LRRC7: variants seen among roughly 807,000 people sequenced by gnomAD.
The protein encoded by LRRC7 is leucine rich repeat containing 7, also known as leucine-rich repeat-containing protein 7.
In LRRC7, 23 loss-of-function variants were observed where a neutral mutation model predicts 175.7. The observed-to-expected ratio is 0.13, with a 90% CI of 0.09 to 0.19. LRRC7 has a LOEUF of 0.19. Among genes scored for constraint, LRRC7 ranks in the 10% least tolerant of loss-of-function variants. The pLI is 1.00. For synonymous variants in LRRC7, 685 were observed against 680.9 expected, an observed-to-expected ratio of 1.01 and a Z score of -0.09; for missense variants, 1,354 against 1,904.7, an observed-to-expected ratio of 0.71 and a Z score of 5.38.
chr1:69,681,242 C>T (rs554557280), intron 2 of LRRC7, among the ~76,000 whole-genome samples: 14 of 152,200 alleles, frequency 9.2e-5, no homozygotes, highest in African/African-American at 2.2e-4. Flanking sequence ...CAAGACTTGT[C>T]GGTCAACTCC....
chr1:69,751,361 G>T (rs1052252250), intron 2 of LRRC7, among the ~76,000 whole-genome samples: 1 of 151,960 alleles, frequency 6.6e-6, no homozygotes, highest in Admixed American at 6.6e-5. Flanking sequence ...GTGTACTTTT[G>T]TGCAGTATTT....
At chr1:69,899,040 C>G (rs112204896) in intron 7 of LRRC7, among the ~76,000 whole-genome samples, 513 of 152,266 alleles carry the variant, frequency 3.4e-3, no homozygotes, top group Middle Eastern at 0.014. Context: ...TGGGCATTCT[C>G]TGAAAATGGG....
intron 2 of LRRC7, among the ~76,000 whole-genome samples, chr1:69,713,901 G>A (rs887238803): frequency 6.6e-6 from 1 of 151,940 alleles, no homozygotes; most frequent in African/African-American, 2.4e-5. Context: ...TAAGAGCTTT[G>A]CTTAGAAAAT....
intron 7 of LRRC7, among the ~76,000 whole-genome samples, chr1:69,905,394 C>G (rs577823270): frequency 2.0e-5 from 3 of 152,184 alleles, no homozygotes; most frequent in Non-Finnish European, 4.4e-5. Context: ...TCTCCTAATG[C>G]TATCCCTCCC....
intron 18 of LRRC7, among the ~76,000 whole-genome samples, chr1:70,033,004 C>A (rs1488605428): frequency 6.6e-6 from 1 of 152,146 alleles, no homozygotes; most frequent in Non-Finnish European, 1.5e-5. Flanking sequence ...AAAACTTTGC[C>A]CACTTTTCCA....
intron 26 of LRRC7, among the ~76,000 whole-genome samples, chr1:70,116,407 C>T (rs561853946): frequency 5.3e-4 from 81 of 152,130 alleles, no homozygotes; most frequent in African/African-American, 1.9e-3. Flanking sequence ...ATTAGCCAGG[C>T]GTGGTGGCAG....
intron 2 of LRRC7, among the ~76,000 whole-genome samples, chr1:69,679,426 C>A (rs1433577254): frequency 6.6e-6 from 1 of 152,058 alleles, no homozygotes; most frequent in Non-Finnish European, 1.5e-5. Context: ...AAGCAGGGCA[C>A]ACTCATGGCA....
intron 1 of LRRC7, among the ~76,000 whole-genome samples, chr1:69,654,674 T>A (rs1244328917): frequency 2.0e-5 from 3 of 152,116 alleles, no homozygotes; most frequent in Non-Finnish European, 4.4e-5. Flanking sequence ...TTGAATCTTT[T>A]TTCTATAAGT....
At chr1:69,969,539 AT>A (rs1204796272) in intron 8 of LRRC7, among the ~76,000 whole-genome samples, 5 of 152,202 alleles carry the variant, frequency 3.3e-5, no homozygotes, top group African/African-American at 9.6e-5. Flanking sequence ...AAAGAGGGTC[AT>A]TATATAACGA....
chr1:70,004,505 G>A (rs1307153265), intron 11 of LRRC7, among the ~76,000 whole-genome samples: 2 of 152,020 alleles, frequency 1.3e-5, no homozygotes, highest in Admixed American at 6.6e-5. Flanking sequence ...GTGTGTTTAG[G>A]CCTTATGACA....
chr1:69,848,808 TG>T (rs1416511245), intron 7 of LRRC7, among the ~76,000 whole-genome samples: 3 of 152,088 alleles, frequency 2.0e-5, no homozygotes, highest in African/African-American at 7.2e-5. Context: ...GATAAGTGGC[TG>T]AGCAATATTA....
intron 5 of LRRC7, among the ~76,000 whole-genome samples, chr1:69,833,037 G>A (rs571436163): frequency 4.0e-5 from 6 of 151,858 alleles, no homozygotes; most frequent in Non-Finnish European, 7.4e-5. Flanking sequence ...CCTGGGAGGC[G>A]GAGGTTGCAG....
intron 7 of LRRC7, among the ~76,000 whole-genome samples, chr1:69,854,586 G>T (rs11809203): frequency 1.6e-4 from 24 of 151,876 alleles, no homozygotes; most frequent in Admixed American, 5.2e-4. Context: ...CTTACTGAGG[G>T]TAACTTGATC....
intron 25 of LRRC7, among the ~76,000 whole-genome samples, chr1:70,090,848 C>A (rs1254254061): frequency 6.6e-6 from 1 of 152,092 alleles, no homozygotes; most frequent in Non-Finnish European, 1.5e-5. Flanking sequence ...TACTCTGGAG[C>A]TTTCTGTAGC....
intron 4 of LRRC7, among the ~76,000 whole-genome samples, chr1:69,811,363 G>A (rs962797912): frequency 1.3e-5 from 2 of 152,124 alleles, no homozygotes; most frequent in East Asian, 1.9e-4. Context: ...ACAGTGTGGT[G>A]ATTCCTCAAG....
chr1:69,916,163 TTA>T lies in LRRC7; in HGVS notation c.648-15335_648-15334del, dbSNP rs1294463908. On this transcript the variant is annotated intron_variant, in intron 7 of 26. Transcript: ENST00000651989. The stretch of plus-strand genomic sequence containing the variant: ...ATAATATATATATTATATACATATT[TTA>T]TATATATAATATATATTACATACAT... Among the ~76,000 whole-genome samples, 16 of 103,524 alleles carry T rather than the reference TTA, an allele frequency of 1.5e-4. No homozygotes were observed. In the South Asian group the frequency reaches 4.1e-3, roughly 27 times the overall value. The allele number at this position is 103,524 out of a possible 152,430, so 67.9% of individuals were successfully genotyped here. A position where few individuals can be genotyped will look rare whatever the true frequency, so the allele number is the denominator to read the frequency against.
intron 5 of LRRC7, among the ~76,000 whole-genome samples, chr1:69,829,005 G>A (rs753025943): frequency 2.6e-5 from 4 of 151,838 alleles, no homozygotes; most frequent in African/African-American, 4.8e-5. Context: ...TAGCAATTAT[G>A]AAAGTATTTA....
At chr1:69,600,552 C>A (rs1647012663) in intron 1 of LRRC7, among the ~76,000 whole-genome samples, 1 of 152,142 alleles carries the variant, frequency 6.6e-6, no homozygotes, top group African/African-American at 2.4e-5. Context: ...AGTATGGACT[C>A]ATTGATGTTG....
At chr1:69,768,028 C>T (rs61784010) in intron 3 of LRRC7, among the ~76,000 whole-genome samples, 24,891 of 152,078 alleles carry the variant, frequency 0.16, 2,501 homozygotes, top group Non-Finnish European at 0.23. Context: ...GCCGGCCACT[C>T]ATGCTGGGCT....
Sources: allele counts gnomAD v4.1 joint callset (sites outside exome capture counted in the v4.1 genomes callset), GRCh38; gene constraint gnomAD v4.1.1; transcripts MANE v1.5; gene names NCBI Gene and HGNC (gene_info 2026-07-23, HGNC 2026-07-21).